The following MYO10 variants were observed in gnomAD, a reference collection of about 807,000 sequenced individuals.
MYO10 encodes unconventional myosin-X.
A neutral mutation model predicts 257.3 loss-of-function variants in MYO10; 133 were observed. That is an observed-to-expected ratio of 0.52 (90% CI 0.45 to 0.60). The LOEUF is 0.60. Ranked by LOEUF, MYO10 falls within the 20% of genes least tolerant of loss-of-function variation. MYO10 has a pLI of 0.00. For missense variants in MYO10, 2,399 were observed against 2,635.7 expected (o/e 0.91, Z 1.97); for synonymous variants, 1,104 against 1,028.6 (o/e 1.07, Z -1.40).
At chr5:16,722,250 C>G (rs530279485) in intron 19 of MYO10, among the ~76,000 whole-genome samples, 1 of 152,222 alleles carries the variant, frequency 6.6e-6, no homozygotes, top group Non-Finnish European at 1.5e-5. Flanking sequence ...TGGTCACACT[C>G]TTTTTCATCT....
intron 1 of MYO10, among the ~76,000 whole-genome samples, chr5:16,887,926 A>G (rs1001168234): frequency 1.3e-5 from 2 of 152,234 alleles, no homozygotes; most frequent in African/African-American, 4.8e-5. Flanking sequence ...GAAATGAGAC[A>G]TCTCCAAATT....
At chr5:16,828,787 T>G (rs1368552333) in intron 2 of MYO10, among the ~76,000 whole-genome samples, 1 of 151,854 alleles carries the variant, frequency 6.6e-6, no homozygotes, top group African/African-American at 2.4e-5. Flanking sequence ...CAGGCTGGAG[T>G]GAACTACAGC....
At chr5:16,902,505 T>A in intron 1 of MYO10, 1 of 1,563,340 alleles carries the variant, frequency 6.4e-7, no homozygotes, top group South Asian at 1.1e-5. Context: ...TGCTGCGGCC[T>A]CCACTATGTT....
At position 16,739,923 on chromosome 5, in the gene MYO10, G is replaced by A. The variant is rs532348813; in HGVS notation, c.1929+14905C>T. 5.3e-5 allele frequency among the ~76,000 whole-genome samples: 8 copies of A among 152,218 alleles called. No homozygotes were observed. The East Asian group carries it at 5.8e-4, about 11-fold the overall frequency. ...GAACGCAAACCCCAGCATCTAATGC[G>A]GTGGTGTTTTTATTATTGTCACTAT... On this transcript the variant is annotated intron_variant, in intron 19 of 40. Transcript: ENST00000513610.
Position 16,701,703 on chromosome 5 carries a change from C to G in MYO10, c.2692G>C (p.Glu898Gln). 1 of 1,613,982 alleles carries G rather than the reference C, an allele frequency of 6.2e-7. No homozygotes were observed. Residue 898 changes from glutamate to glutamine, a missense_variant, in exon 25 of 41, where the codon GAG (glutamate) becomes CAG (glutamine). Glu to Gln is a conservative substitution (Grantham distance 29). Transcript: ENST00000513610. The surrounding 1 kb of genome is among the most constrained non-coding windows in gnomAD (Gnocchi z 8.1). ...EEILRLEKEIEDLQRMKEQQE... is the reference protein window; with the variant it reads ...EEILRLEKEIQDLQRMKEQQE... The stretch of plus-strand genomic sequence containing the variant: ...TGCTCCTTCATGCGCTGCAGGTCCT[C>G]GATTTCTTTCTCCAGACGGAGGATC...
chr5:16,930,827 T>C (rs888140652), intron 1 of MYO10, among the ~76,000 whole-genome samples: 1 of 152,216 alleles, frequency 6.6e-6, no homozygotes, highest in African/African-American at 2.4e-5. Context: ...GATAGGATGC[T>C]CTGCACTCAG....
At chr5:16,818,206 C>T (rs1311802740) in intron 2 of MYO10, 39 bp from the exon 3 acceptor site, 2 of 1,404,538 alleles carry the variant, frequency 1.4e-6, no homozygotes, top group Non-Finnish European at 1.9e-6. Context: ...TCATTATCAG[C>T]AGTAAGTGAT....
chr5:16,753,205 C>T (rs1263850032), intron 19 of MYO10, among the ~76,000 whole-genome samples: 3 of 152,150 alleles, frequency 2.0e-5, no homozygotes, highest in African/African-American at 7.2e-5. Flanking sequence ...CTAGCTCTGT[C>T]GCCCAGGATG....
At chr5:16,909,169 A>G (rs1745590288) in intron 1 of MYO10, among the ~76,000 whole-genome samples, 1 of 152,202 alleles carries the variant, frequency 6.6e-6, no homozygotes. Flanking sequence ...CATGTCTTAC[A>G]TGGTGGCAGG....
chr5:16,895,819 A>G (rs965724548), intron 1 of MYO10, among the ~76,000 whole-genome samples: 5 of 151,204 alleles, frequency 3.3e-5, no homozygotes, highest in African/African-American at 9.8e-5. Flanking sequence ...CACCTGGTAA[A>G]AAGCCAAACT....
intron 2 of MYO10, among the ~76,000 whole-genome samples, chr5:16,868,459 C>T (rs1744348145): frequency 6.6e-6 from 1 of 152,190 alleles, no homozygotes; most frequent in South Asian, 2.1e-4. Flanking sequence ...ATAAAATTAG[C>T]CAGGCGTGGT....
chr5:16,707,771 C>T (rs1738411484), intron 21 of MYO10, among the ~76,000 whole-genome samples: 2 of 152,186 alleles, frequency 1.3e-5, no homozygotes, highest in Admixed American at 6.5e-5. Flanking sequence ...CGGGCTGTGC[C>T]GTGAAGCATC....
intron 1 of MYO10, among the ~76,000 whole-genome samples, chr5:16,881,022 T>C (rs150545590): frequency 6.6e-6 from 1 of 152,208 alleles, no homozygotes; most frequent in East Asian, 1.9e-4. Context: ...GCAATGAAAA[T>C]GTTCAAAGTG....
intron 2 of MYO10, among the ~76,000 whole-genome samples, chr5:16,844,942 ACACACACACACG>A (rs1031685822): frequency 4.7e-4 from 63 of 133,556 alleles, no homozygotes; most frequent in African/African-American, 2.1e-3. Context: ...CCAGATACAC[ACACACACACACG>A]CACACACACA....
chr5:16,884,691 T>C (rs908709618), intron 1 of MYO10, among the ~76,000 whole-genome samples: 2 of 148,768 alleles, frequency 1.3e-5, no homozygotes, highest in Admixed American at 6.9e-5. Flanking sequence ...GAAGTAGGAG[T>C]TATCTTTCCA....
At chr5:16,670,334 GTT>G (rs1736387140) in intron 39 of MYO10, among the ~76,000 whole-genome samples, 190 bp downstream of exon 39, 2 of 151,872 alleles carry the variant, frequency 1.3e-5, no homozygotes, top group Non-Finnish European at 1.5e-5. Context: ...TTACAGATGT[GTT>G]TACTACACAG....
At chr5:16,769,314 C>A in intron 9 of MYO10, 111 bp from the exon 10 acceptor site, 3 of 1,194,796 alleles carry the variant, frequency 2.5e-6, no homozygotes, top group Admixed American at 6.5e-5. Context: ...GGCAAAGAAA[C>A]AAAAAATAGA....
chr5:16,851,765 C>T (rs1402657302), intron 2 of MYO10, among the ~76,000 whole-genome samples: 1 of 152,028 alleles, frequency 6.6e-6, no homozygotes, highest in Non-Finnish European at 1.5e-5. Flanking sequence ...TGAAGAAAGA[C>T]TTAATGGCCG....
At position 16,838,473 on chromosome 5, in the gene MYO10, G is replaced by T. The variant is rs551553207; in HGVS notation, c.121-20306C>A. Among the ~76,000 whole-genome samples the T allele has an allele frequency of 6.6e-5, 10 of 152,322 alleles. 1 individual carries two copies. The South Asian group carries it at 1.9e-3, about 28-fold the overall frequency. On this transcript the variant is annotated intron_variant, in intron 2 of 40. Transcript: ENST00000513610. Reference sequence around the variant, plus strand: ...CAATTCTATCAAGGCTGAGAGGTCAGTAAGCTGCAGAAGAAAAGTCTGGAG... The same window carrying T: ...CAATTCTATCAAGGCTGAGAGGTCATTAAGCTGCAGAAGAAAAGTCTGGAG...
Sources: gnomAD v4.1 joint callset for allele counts (sites outside exome capture counted in the v4.1 genomes callset) on GRCh38, gnomAD v4.1.1 for gene constraint, Gnocchi (gnomAD v3.1) non-coding constraint, MANE v1.5 for transcripts, NCBI Gene and HGNC (gene_info 2026-07-23, HGNC 2026-07-21) for gene names.